Variants in RPS20 observed in about 807,000 individuals in gnomAD.
RPS20 encodes ribosomal protein S20.
Under a neutral mutation model 15.3 loss-of-function variants are expected in RPS20, and 3 were observed. The observed-to-expected ratio is 0.20, with a 90% CI of 0.09 to 0.51. The LOEUF (loss-of-function observed/expected upper bound fraction) is 0.51, where lower values mean the gene tolerates loss of function less well. Ranked by LOEUF, RPS20 falls within the 20% of genes least tolerant of loss-of-function variation. RPS20 has a pLI of 0.96. For synonymous variants in RPS20, 62 were observed against 47.8 expected (o/e 1.30, Z -1.23); for missense variants, 67 against 145.9 (o/e 0.46, Z 2.79).
At chr8:56,073,584 T>C (rs1809832799) in intron 3 of RPS20, 111 bp downstream of exon 3, 1 of 859,928 alleles carries the variant, frequency 1.2e-6, no homozygotes, top group African/African-American at 1.7e-5. Context: ...CTATGTGCGT[T>C]TGTAGACAGC....
downstream of RPS20, among the ~76,000 whole-genome samples, chr8:56,071,563 G>A (rs1426386822): frequency 6.6e-6 from 1 of 152,202 alleles, no homozygotes; most frequent in Non-Finnish European, 1.5e-5. Context: ...TAGGGGAGGG[G>A]CAAGGGGTGA....
chr8:56,069,879 T>C (rs896275213), downstream of RPS20: 1 of 848,442 alleles, frequency 1.2e-6, no homozygotes, highest in Non-Finnish European at 2.0e-6. Flanking sequence ...CTACTGCACA[T>C]GTATAGACAT....
chr8:56,069,648 G>T, downstream of RPS20: 1 of 1,174,748 alleles, frequency 8.5e-7, no homozygotes, highest in Non-Finnish European at 1.2e-6. Flanking sequence ...ATCCACTGAA[G>T]TACAATTAAA....
chr8:56,074,306 G>T, intron 1 of RPS20, 75 bp downstream of exon 1: 1 of 1,545,558 alleles, frequency 6.5e-7, no homozygotes, highest in Non-Finnish European at 8.7e-7. Flanking sequence ...GCCCTCAGGA[G>T]CACGAACTCG....
rs1809858754 is a variant in RPS20, at chr8:56,074,135, GTGTTTTTC to G, written c.20_27del (p.Gly7AlafsTer29). 1 of 1,613,188 alleles carries G rather than the reference GTGTTTTTC, an allele frequency of 6.2e-7. No homozygotes were observed. The highest frequency in any genetic ancestry group is 1.3e-5 in the African/African-American group (1 of 74,904). ...TGAATTGCCACCTCCGGCTCCACGG[GTGTTTTTC>G]CGGTATCCTTAAAAGCCTATTATTA... On this transcript the variant is annotated frameshift_variant, in exon 2 of 4. Transcript: ENST00000009589. LOFTEE classifies it high-confidence loss of function.
chr8:56,070,660 T>C (rs1251421921), downstream of RPS20, among the ~76,000 whole-genome samples: 1 of 150,402 alleles, frequency 6.6e-6, no homozygotes, highest in Non-Finnish European at 1.5e-5. Flanking sequence ...GCCAGGGAGT[T>C]GAAGGCTGCA....
chr8:56,070,384 C>T (rs1391930390), downstream of RPS20, among the ~76,000 whole-genome samples: 1 of 152,166 alleles, frequency 6.6e-6, no homozygotes, highest in Admixed American at 6.5e-5. Flanking sequence ...GTACTCTTGC[C>T]TGTTCATTTT....
chr8:56,073,586 G>A, intron 3 of RPS20, 109 bp downstream of exon 3: 1 of 867,464 alleles, frequency 1.2e-6, no homozygotes, highest in East Asian at 2.4e-5. Flanking sequence ...ATGTGCGTTT[G>A]TAGACAGCAT....
downstream of RPS20, chr8:56,068,306 GGT>G (rs758736527): frequency 1.3e-5 from 2 of 152,066 alleles, no homozygotes; most frequent in Non-Finnish European, 2.9e-5. Context: ...GATTTGCTGA[GGT>G]GTGTGTATCA....
At chr8:56,067,283 T>TA (rs746504629), downstream of RPS20, 1 of 152,222 alleles carries the variant, frequency 6.6e-6, no homozygotes, top group Non-Finnish European at 1.5e-5. Context: ...ATTATAGCAT[T>TA]ATTCACAATA....
At chr8:56,068,625 C>T (rs1809670327), downstream of RPS20, 1 of 150,710 alleles carries the variant, frequency 6.6e-6, no homozygotes, top group Non-Finnish European at 1.5e-5. Context: ...AATAGGAGTC[C>T]CAGAAAGAAG....
downstream of RPS20, chr8:56,072,888 ATAT>A: frequency 1.5e-6 from 2 of 1,316,306 alleles, no homozygotes; most frequent in South Asian, 1.9e-5. Context: ...CAGGTCTCAC[ATAT>A]TATGTAGTTA....
downstream of RPS20, chr8:56,073,020 A>C: frequency 6.4e-7 from 1 of 1,554,476 alleles, no homozygotes; most frequent in Non-Finnish European, 8.6e-7. Context: ...TATTCCTAAA[A>C]TCTGCCAGTA....
chr8:56,073,014 C>T, downstream of RPS20: 1 of 1,547,352 alleles, frequency 6.5e-7, no homozygotes, highest in Non-Finnish European at 8.7e-7. Context: ...CCTTTATATT[C>T]CTAAAATCTG....
downstream of RPS20, among the ~76,000 whole-genome samples, chr8:56,072,441 A>C (rs1585721565): frequency 6.7e-6 from 1 of 149,926 alleles, no homozygotes; most frequent in African/African-American, 2.5e-5. Flanking sequence ...AATCCCAACT[A>C]CTTGGGAGGC....
intron 2 of RPS20, 114 bp from the exon 3 acceptor site, chr8:56,073,882 T>C (rs534093742): frequency 8.9e-7 from 1 of 1,126,830 alleles, no homozygotes; most frequent in Admixed American, 1.7e-5. Context: ...CTCAACACAA[T>C]AGGTACCTCC....
At position 56,073,688 on chromosome 8, in the gene RPS20, A is replaced by G; in HGVS notation, c.177+7T>C. The G allele has an allele frequency of 6.2e-7, 1 of 1,612,164 alleles. No individual in the cohort carries two copies. The highest frequency in any genetic ancestry group is 1.1e-5 in the South Asian group (1 of 91,036). ...CTCCTACTTCCTGCCCCTCCGATTTACTTTACCTTGGTAGGCATTCGAACT... is the reference window on the plus strand; with the variant it reads ...CTCCTACTTCCTGCCCCTCCGATTTGCTTTACCTTGGTAGGCATTCGAACT... On this transcript the variant is annotated splice_region_variant and intron_variant, in intron 3 of 3. Coordinates refer to ENST00000009589, the MANE Select transcript of RPS20 (RefSeq NM_001023.4).
rs1809861512 is a variant in RPS20, at chr8:56,074,167, T to C, written c.4-8A>G. 2 of 1,606,626 alleles carry C rather than the reference T, an allele frequency of 1.2e-6. No individual in the cohort carries two copies. The stretch of plus-strand genomic sequence containing the variant: ...TCCGGTATCCTTAAAAGCCTATTAT[T>C]AGATACATGAAAAAGAACAATAAGC... On this transcript the variant is annotated splice_polypyrimidine_tract_variant and splice_region_variant and intron_variant, in intron 1 of 3. Coordinates refer to ENST00000009589, the MANE Select transcript of RPS20 (RefSeq NM_001023.4).
downstream of RPS20, among the ~76,000 whole-genome samples, chr8:56,070,389 C>T (rs1372375981): frequency 6.6e-6 from 1 of 152,176 alleles, no homozygotes; most frequent in Admixed American, 6.6e-5. Flanking sequence ...CTTGCCTGTT[C>T]ATTTTACATC....
Sources: allele counts gnomAD v4.1 joint callset (sites outside exome capture counted in the v4.1 genomes callset), GRCh38; gene constraint gnomAD v4.1.1; transcripts MANE v1.5; gene names NCBI Gene and HGNC (gene_info 2026-07-23, HGNC 2026-07-21).